The following CKM variants were observed in gnomAD, a reference collection of about 807,000 sequenced individuals.
The protein encoded by CKM is creatine kinase, M-type, also known as creatine kinase M-type.
CKM carries 28 observed loss-of-function variants against 35.4 expected under a neutral mutation model. That is an observed-to-expected ratio of 0.79 (90% CI 0.59 to 1.08). The LOEUF is 1.08. Among genes scored for constraint, CKM ranks in the 50% least tolerant of loss-of-function variants. CKM has a pLI of 0.00. For synonymous variants in CKM, 215 were observed against 204.4 expected (o/e 1.05, Z -0.44); for missense variants, 484 against 509.8 (o/e 0.95, Z 0.49).
In CKM at chr19:45,306,518, T is replaced by G; in HGVS notation, c.*232A>C. ...CTAGAGCTCCTGGTTGGGGTGGAGC[T>G]CTGGGAAAAGAAGAGGACCCTGCCA... On this transcript the variant is annotated 3_prime_UTR_variant, in exon 8 of 8. Coordinates refer to ENST00000221476, the MANE Select transcript of CKM (RefSeq NM_001824.5). The surrounding 1 kb of genome is among the most constrained non-coding windows in gnomAD (Gnocchi z 4.5). 1.7e-6 allele frequency: 1 copy of G among 574,250 alleles called. No individual in the cohort carries two copies. Among genetic ancestry groups the G allele is most frequent in the Non-Finnish European group, 3.1e-6 (1 of 320,332 alleles). 35.6% of individuals were successfully genotyped at this position (574,250 alleles called of 1,614,324 possible).
chr19:45,319,862 C>T, intron 1 of CKM, 131 bp from the exon 2 acceptor site: 1 of 691,306 alleles, frequency 1.4e-6, no homozygotes, highest in Non-Finnish European at 2.4e-6. Flanking sequence ...ACGATCTCGG[C>T]TCACTGCAAG....
At chr19:45,318,900 G>A (rs1326985092) in intron 2 of CKM, among the ~76,000 whole-genome samples, 1 of 151,114 alleles carries the variant, frequency 6.6e-6, no homozygotes, top group African/African-American at 2.4e-5. Flanking sequence ...TCACTCTGTG[G>A]CTGGAGTACA....
intron 4 of CKM, among the ~76,000 whole-genome samples, chr19:45,314,423 T>C (rs1031456084): frequency 2.0e-5 from 3 of 151,364 alleles, no homozygotes; most frequent in Non-Finnish European, 4.4e-5. Context: ...AAACATAACT[T>C]TTTTTTTTGA....
chr19:45,314,135 GAGGGAAGGA>G (rs1376847287), intron 4 of CKM, among the ~76,000 whole-genome samples: 4 of 146,156 alleles, frequency 2.7e-5, no homozygotes, highest in Non-Finnish European at 6.0e-5. Flanking sequence ...GGAAGGGAGG[GAGGGAAGGA>G]AGGGAAGGAA....
In CKM at chr19:45,315,557, C is replaced by T. The variant is rs755295582; in HGVS notation, c.389G>A (p.Arg130His). The change falls in exon 4 of 8, where the codon CGC becomes CAC. Residue 130 changes from arginine to histidine, a missense_variant. Coordinates refer to ENST00000221476, the MANE Select transcript of CKM (RefSeq NM_001824.5). ...DLDPNYVLSS[R>H]VRTGRSIKGY... ...CTTGATGCTGCGGCCAGTGCGGACG[C>T]GGCTGCTGAGCACGTAGTTAGGGTC... The T allele has an allele frequency of 1.4e-5, 23 of 1,603,726 alleles. No homozygotes were observed. The highest frequency in any genetic ancestry group is 6.7e-5 in the East Asian group (3 of 44,868).
In CKM at chr19:45,319,667, G is replaced by A. The variant is rs1971194019; in HGVS notation, c.47C>T (p.Pro16Leu). The A allele has an allele frequency of 1.1e-5, 17 of 1,614,236 alleles. No individual in the cohort carries two copies. Among genetic ancestry groups the A allele is most frequent in the Non-Finnish European group, 1.4e-5 (16 of 1,180,042 alleles). The change falls in exon 2 of 8, where the codon CCT becomes CTT. Residue 16 changes from proline (P) to leucine (L), a missense_variant. Coordinates refer to ENST00000221476, the MANE Select transcript of CKM (RefSeq NM_001824.5). ...THNKFKLNYK[P>L]EEEYPDLSKH... ...GCTGAGGTCGGGGTACTCCTCCTCAGGCTTGTAATTCAGCTTGAACTTGTT... is the reference window on the plus strand; with the variant it reads ...GCTGAGGTCGGGGTACTCCTCCTCAAGCTTGTAATTCAGCTTGAACTTGTT...
intron 4 of CKM, among the ~76,000 whole-genome samples, chr19:45,314,120 G>A (rs1206268561): frequency 6.9e-6 from 1 of 145,690 alleles, no homozygotes; most frequent in Non-Finnish European, 1.5e-5. Flanking sequence ...GGGAAGGGAA[G>A]GGAAGGAAGG....
chr19:45,321,074 T>G lies in CKM; in HGVS notation c.-18-1343A>C, dbSNP rs187003280. On this transcript the variant is annotated intron_variant, in intron 1 of 7. Transcript: ENST00000221476. The stretch of plus-strand genomic sequence containing the variant: ...TGCCACACCTGGCTATTTTTTTTTT[T>G]GGTATTTTTAGTAGAGTTGGGGTTT... Among the ~76,000 whole-genome samples the G allele has an allele frequency of 6.5e-3, 979 of 151,296 alleles. 8 individuals carry two copies. The highest frequency in any genetic ancestry group is 0.023 in the African/African-American group (940 of 41,274).
intron 1 of CKM, among the ~76,000 whole-genome samples, 158 bp downstream of exon 1, chr19:45,322,663 A>C (rs1485173429): frequency 1.3e-5 from 2 of 152,154 alleles, no homozygotes; most frequent in Non-Finnish European, 2.9e-5. Flanking sequence ...CCTCCCAGAC[A>C]CACAAGGGTC....
At chr19:45,322,354 G>A (rs1376591330) in intron 1 of CKM, among the ~76,000 whole-genome samples, 4 of 152,118 alleles carry the variant, frequency 2.6e-5, no homozygotes, top group East Asian at 1.9e-4. Context: ...TCATGTGTCC[G>A]CTACTAAGTC....
Position 45,315,470 on chromosome 19 carries a change from A to C in CKM, c.476T>G (p.Val159Gly), listed in dbSNP as rs1411556600. The change falls in exon 4 of 8, where the codon GTG becomes GGG. Residue 159 changes from valine to glycine, a missense_variant. Val to Gly is a moderately radical substitution (Grantham distance 109). Coordinates refer to ENST00000221476, the MANE Select transcript of CKM (RefSeq NM_001824.5). ...GERRAVEKLSVEALNSLTGEF... is the reference protein window; with the variant it reads ...GERRAVEKLSGEALNSLTGEF... Reference sequence around the variant, plus strand: ...GACGGGGTAGGGGCGCTCACCTTCCACAGAGAGCTTCTCCACCGCCCGGCG... The same window carrying C: ...GACGGGGTAGGGGCGCTCACCTTCCCCAGAGAGCTTCTCCACCGCCCGGCG... 6.3e-7 allele frequency: 1 copy of C among 1,598,918 alleles called. No individual in the cohort carries two copies.
At chr19:45,313,551 TA>T (rs1971129251) in intron 4 of CKM, among the ~76,000 whole-genome samples, 1 of 152,098 alleles carries the variant, frequency 6.6e-6, no homozygotes, top group African/African-American at 2.4e-5. Flanking sequence ...TCACTTTAAA[TA>T]AAAAGCTTCA....
At chr19:45,321,890 G>A (rs912433188) in intron 1 of CKM, among the ~76,000 whole-genome samples, 3 of 152,262 alleles carry the variant, frequency 2.0e-5, no homozygotes, top group East Asian at 3.9e-4. Flanking sequence ...TTGGGACCAC[G>A]GTGAGCTGAA....
intron 3 of CKM, among the ~76,000 whole-genome samples, chr19:45,317,218 C>A (rs1331950021): frequency 6.6e-6 from 1 of 152,168 alleles, no homozygotes; most frequent in African/African-American, 2.4e-5. Context: ...AGAGATTTTC[C>A]TGCCTCCACC....
At chr19:45,316,838 C>T (rs10411862) in intron 3 of CKM, among the ~76,000 whole-genome samples, 110,872 of 151,550 alleles carry the variant, frequency 0.73, 41,936 homozygotes, top group African/African-American at 0.85. Flanking sequence ...AGGTGAACAC[C>T]AGCATGCCTA....
intron 4 of CKM, among the ~76,000 whole-genome samples, chr19:45,312,614 G>T (rs934905236): frequency 4.0e-5 from 6 of 151,596 alleles, no homozygotes; most frequent in Non-Finnish European, 5.9e-5. Context: ...TAGAGACGGG[G>T]TTTCTCCACT....
intron 2 of CKM, among the ~76,000 whole-genome samples, chr19:45,318,527 G>A (rs760912843): frequency 3.9e-5 from 6 of 152,096 alleles, no homozygotes; most frequent in Admixed American, 2.6e-4. Flanking sequence ...TGCTGGGGGC[G>A]GGGTCAAAGG....
At position 45,306,921 on chromosome 19, in the gene CKM, C is replaced by T. The variant is rs1320805973; in HGVS notation, c.975G>A (p.Val325=). ...LRLQKRGTGG[V]DTAAVGSVFD... is the part of the protein sequence containing the mutation. Reference sequence around the variant, plus strand: ...ATACTGAGCCCACGGCAGCTGTGTCCACGCCACCTGTGGGAGCAAGGGACA... The same window carrying T: ...ATACTGAGCCCACGGCAGCTGTGTCTACGCCACCTGTGGGAGCAAGGGACA... Residue 325 remains valine, a synonymous_variant, in exon 8 of 8, where the codon GTG becomes GTA. Coordinates refer to ENST00000221476, the MANE Select transcript of CKM (RefSeq NM_001824.5). This position sits in a 1 kb window ranked among gnomAD's most constrained non-coding sequence, Gnocchi z 4.5. 6.2e-7 allele frequency: 1 copy of T among 1,613,690 alleles called. No individual in the cohort carries two copies. The highest frequency in any genetic ancestry group is 1.3e-5 in the African/African-American group (1 of 74,938).
Position 45,308,519 on chromosome 19 carries a change from T to C in CKM, c.667A>G (p.Lys223Glu). ...DARGIWHNDN[K>E]SFLVWVNEED... ...TCGTTCACCCACACCAGGAAGCTCT[T>C]GTTGTCATTGTGCCTAGAGTAAGGT... The change falls in exon 6 of 8, where the codon AAG becomes GAG. Residue 223 changes from lysine to glutamate, a missense_variant. Physicochemically the swap from Lys to Glu is moderately conservative, Grantham distance 56 (BLOSUM62 1). Transcript: ENST00000221476. 6.2e-7 allele frequency: 1 copy of C among 1,613,910 alleles called. No homozygotes were observed. The highest frequency in any genetic ancestry group is 8.5e-7 in the Non-Finnish European group (1 of 1,179,922).
Sources: allele counts gnomAD v4.1 joint callset (sites outside exome capture counted in the v4.1 genomes callset), GRCh38; gene constraint gnomAD v4.1.1; non-coding constraint Gnocchi (gnomAD v3.1); transcripts MANE v1.5; gene names NCBI Gene and HGNC (gene_info 2026-07-23, HGNC 2026-07-21).